Variants in CD163L1 observed in about 807,000 individuals in gnomAD.
CD163L1 encodes the protein CD163 molecule like 1, also known as scavenger receptor cysteine-rich type 1 protein M160.
In CD163L1, 124 loss-of-function variants were observed where a neutral mutation model predicts 165.4. The observed-to-expected ratio is 0.75, with a 90% CI of 0.65 to 0.87. The LOEUF (loss-of-function observed/expected upper bound fraction) is 0.87, where lower values mean the gene tolerates loss of function less well. Among genes scored for constraint, CD163L1 ranks in the 40% least tolerant of loss-of-function variants. CD163L1 has a pLI of 0.00. For missense variants in CD163L1, 1,525 were observed against 1,799.9 expected, an observed-to-expected ratio of 0.85 and a Z score of 2.76; for synonymous variants, 585 against 662.2, an observed-to-expected ratio of 0.88 and a Z score of 1.79.
the CD163L1 span, among the ~76,000 whole-genome samples, chr12:7,337,491 C>A: frequency 6.6e-6 from 1 of 152,052 alleles, no homozygotes; most frequent in Non-Finnish European, 1.5e-5. Context: ...CAAACAATCC[C>A]ATCAAAAAGT....
intron 4 of CD163L1, among the ~76,000 whole-genome samples, chr12:7,417,199 A>G (rs1229495946): frequency 6.6e-6 from 1 of 152,122 alleles, no homozygotes; most frequent in African/African-American, 2.4e-5. Context: ...GAGTTCACTC[A>G]TGATTTGGCT....
At position 7,374,476 on chromosome 12, in the gene CD163L1, G is replaced by A; in HGVS notation, c.3375C>T (p.Cys1125=). The change falls in exon 13 of 20, where the codon TGC becomes TGT. Residue 1125 remains cysteine (C), a synonymous_variant. Coordinates refer to ENST00000313599, the MANE Select transcript of CD163L1 (RefSeq NM_174941.6). The surrounding 1 kb of genome is among the most constrained non-coding windows in gnomAD (Gnocchi z 5.4). The part of the protein sequence containing the change: ...CPSRGWGQHD[C]RHKEDAGVIC... ...TGACCCCTGCGTCCTCCTTGTGCCT[G>A]CAGTCGTGCTGCCCCCAGCCGCGGG... 6.2e-7 allele frequency: 1 copy of A among 1,614,000 alleles called. No homozygotes were observed. Among genetic ancestry groups the A allele is most frequent in the Non-Finnish European group, 8.5e-7 (1 of 1,179,950 alleles).
intron 8 of CD163L1, among the ~76,000 whole-genome samples, chr12:7,392,977 G>A (rs781339578): frequency 7.2e-5 from 11 of 151,990 alleles, no homozygotes; most frequent in East Asian, 1.9e-4. Flanking sequence ...ATTCAGAGCC[G>A]AATTCTACCA....
chr12:7,412,337 A>G (rs1315819236), intron 4 of CD163L1, among the ~76,000 whole-genome samples: 1 of 152,176 alleles, frequency 6.6e-6, no homozygotes, highest in Non-Finnish European at 1.5e-5. Flanking sequence ...GGGTTTGAAG[A>G]TGTATCTGTG....
At chr12:7,439,326 T>C (rs1208220435) in intron 2 of CD163L1, 2 of 1,583,042 alleles carry the variant, frequency 1.3e-6, no homozygotes, top group Non-Finnish European at 1.7e-6. Flanking sequence ...CTTTGTTTCT[T>C]TTACTTCATC....
At chr12:7,348,092 T>C (rs1482536892) in intron 4 of CD163L1, among the ~76,000 whole-genome samples, 2 of 152,248 alleles carry the variant, frequency 1.3e-5, no homozygotes, top group African/African-American at 4.8e-5. Flanking sequence ...ATTTGTTTTT[T>C]TCTTATATTT....
At chr12:7,403,110 A>G (rs1272610877) in intron 6 of CD163L1, among the ~76,000 whole-genome samples, 1 of 152,270 alleles carries the variant, frequency 6.6e-6, no homozygotes, top group African/African-American at 2.4e-5. Flanking sequence ...AAATATATCT[A>G]TATCAGCTAT....
At position 7,414,724 on chromosome 12, in the gene CD163L1, A is replaced by G. The variant is rs116583537; in HGVS notation, c.767-7872T>C. Among the ~76,000 whole-genome samples, 1,227 of 152,246 alleles carry G rather than the reference A, an allele frequency of 8.1e-3. 13 individuals carry two copies. Among genetic ancestry groups the G allele is most frequent in the African/African-American group, 0.028 (1,153 of 41,558 alleles). On this transcript the variant is annotated intron_variant, in intron 4 of 19. Coordinates refer to ENST00000313599, the MANE Select transcript of CD163L1 (RefSeq NM_174941.6). The stretch of plus-strand genomic sequence containing the variant: ...TGAAAGCAGCAACAGAAAACTAGCC[A>G]CATGCAAAGAAATTCCCATAGAGCT...
chr12:7,354,202 C>CT (rs1378724815), downstream of CD163L1, among the ~76,000 whole-genome samples: 33 of 151,826 alleles, frequency 2.2e-4, no homozygotes, highest in African/African-American at 5.8e-4. Context: ...ACCTAGGCTT[C>CT]TTTTTTTTGT....
intron 1 of CD163L1, among the ~76,000 whole-genome samples, chr12:7,441,900 T>C (rs1370619991): frequency 2.0e-5 from 3 of 152,190 alleles, no homozygotes; most frequent in African/African-American, 7.2e-5. Context: ...CTCCCTGTCT[T>C]TTCAGTCATG....
intron 4 of CD163L1, among the ~76,000 whole-genome samples, chr12:7,409,998 G>A (rs1948101482): frequency 6.6e-6 from 1 of 151,926 alleles, no homozygotes; most frequent in South Asian, 2.1e-4. Context: ...ATATATGTAC[G>A]ACAAAATAAA....
intron 2 of CD163L1, chr12:7,439,570 T>C (rs1948785960): frequency 3.2e-6 from 5 of 1,583,212 alleles, no homozygotes; most frequent in Non-Finnish European, 4.3e-6. Context: ...CTTACTTTGC[T>C]GACCGCTATC....
the CD163L1 span, chr12:7,324,380 T>C: frequency 1.2e-6 from 2 of 1,614,090 alleles, no homozygotes; most frequent in South Asian, 1.1e-5. Flanking sequence ...GCAGAGCTGA[T>C]GATGTCATTA....
chr12:7,388,094 C>T (rs1947560316), intron 8 of CD163L1, among the ~76,000 whole-genome samples: 1 of 151,864 alleles, frequency 6.6e-6, no homozygotes, highest in Admixed American at 6.6e-5. Context: ...GAAACCATAC[C>T]CCTCTCTCAC....
intron 4 of CD163L1, among the ~76,000 whole-genome samples, chr12:7,430,547 G>T (rs1948611311): frequency 6.6e-6 from 1 of 152,114 alleles, no homozygotes; most frequent in Non-Finnish European, 1.5e-5. Context: ...GCTGAAAACT[G>T]TGCTAATTGT....
intron 2 of CD163L1, chr12:7,438,827 C>T: frequency 6.4e-7 from 1 of 1,556,138 alleles, no homozygotes; most frequent in Non-Finnish European, 8.8e-7. Context: ...CCCGCTCAAC[C>T]TCCAGCCCTT....
chr12:7,430,320 A>G (rs758562056), intron 4 of CD163L1, among the ~76,000 whole-genome samples: 1 of 152,196 alleles, frequency 6.6e-6, no homozygotes, highest in Non-Finnish European at 1.5e-5. Context: ...CAGATTATTC[A>G]CTTGTTGTAA....
chr12:7,440,508 TA>T (rs1306489269), intron 2 of CD163L1, among the ~76,000 whole-genome samples: 3 of 151,996 alleles, frequency 2.0e-5, no homozygotes, highest in Non-Finnish European at 4.4e-5. Flanking sequence ...TAATTGTATT[TA>T]ATTCTTTGAT....
At chr12:7,412,305 G>A (rs948440850) in intron 4 of CD163L1, among the ~76,000 whole-genome samples, 1 of 152,148 alleles carries the variant, frequency 6.6e-6, no homozygotes, top group African/African-American at 2.4e-5. Flanking sequence ...GTTTATTAGA[G>A]TAAAATAGAC....
Sources: gnomAD v4.1 joint callset for allele counts (sites outside exome capture counted in the v4.1 genomes callset) on GRCh38, gnomAD v4.1.1 for gene constraint, Gnocchi (gnomAD v3.1) non-coding constraint, MANE v1.5 for transcripts, NCBI Gene and HGNC (gene_info 2026-07-23, HGNC 2026-07-21) for gene names.